Variants in PRKCE observed in about 807,000 individuals in gnomAD.
PRKCE encodes protein kinase C epsilon type.
Under a neutral mutation model 85.4 loss-of-function variants are expected in PRKCE, and 16 were observed. The ratio of observed to expected loss-of-function variants is 0.19; its 90% confidence interval spans 0.13 to 0.28. PRKCE has a LOEUF of 0.28. PRKCE is among the 10% of genes least tolerant of loss of function. PRKCE has a pLI of 1.00. For missense variants in PRKCE, 573 were observed against 975.2 expected (o/e 0.59, Z 5.49); for synonymous variants, 388 against 371.5 (o/e 1.04, Z -0.51).
At position 45,774,203 on chromosome 2, in the gene PRKCE, C is replaced by T. The variant is rs193082370; in HGVS notation, c.349-68797C>T. 5.3e-3 allele frequency among the ~76,000 whole-genome samples: 804 copies of T among 152,202 alleles called. 2 individuals are homozygous for T. The highest frequency in any genetic ancestry group is 0.017 in the African/African-American group (726 of 41,540). On this transcript the variant is annotated intron_variant, in intron 1 of 14. Coordinates refer to ENST00000306156, the MANE Select transcript of PRKCE (RefSeq NM_005400.3). The surrounding 1 kb of genome is among the most constrained non-coding windows in gnomAD (Gnocchi z 4.3). ...GCTGGGACATGTTGGGCTGACCACC[C>T]CTGTGGTCAGGGCCTGCGACTGGTG...
chr2:45,742,999 C>G (rs1682704761), intron 1 of PRKCE, among the ~76,000 whole-genome samples: 3 of 152,058 alleles, frequency 2.0e-5, no homozygotes, highest in Admixed American at 1.3e-4. Context: ...GGATATTAGG[C>G]TAAATGAAAT....
At chr2:45,755,669 G>A (rs551172058) in intron 1 of PRKCE, among the ~76,000 whole-genome samples, 76 of 152,182 alleles carry the variant, frequency 5.0e-4, no homozygotes, top group Non-Finnish European at 1.1e-3. Context: ...TGAGGGCAGC[G>A]ATTCCCCTTG....
At chr2:45,734,660 A>G (rs1159018865) in intron 1 of PRKCE, among the ~76,000 whole-genome samples, 1 of 152,198 alleles carries the variant, frequency 6.6e-6, no homozygotes, top group Non-Finnish European at 1.5e-5. Context: ...GTTGTGTGTT[A>G]AGAGAACCCT....
chr2:46,183,432 T>C (rs147268250), intron 14 of PRKCE, among the ~76,000 whole-genome samples: 2 of 152,360 alleles, frequency 1.3e-5, no homozygotes, highest in South Asian at 4.1e-4. Flanking sequence ...TGTGAATCTT[T>C]CCACAAGATT....
chr2:45,919,325 G>C (rs1349116581), intron 2 of PRKCE, among the ~76,000 whole-genome samples: 2 of 152,222 alleles, frequency 1.3e-5, no homozygotes, highest in African/African-American at 4.8e-5. Context: ...GACTCTGCAG[G>C]CTTGGAGACG....
intron 1 of PRKCE, among the ~76,000 whole-genome samples, chr2:45,687,877 C>G (rs888084306): frequency 6.6e-6 from 1 of 152,190 alleles, no homozygotes; most frequent in East Asian, 1.9e-4. Context: ...ATTAGGTTCT[C>G]GCTTGCTTTT....
At chr2:45,915,692 G>A (rs891275445) in intron 2 of PRKCE, among the ~76,000 whole-genome samples, 9 of 152,300 alleles carry the variant, frequency 5.9e-5, no homozygotes, top group Non-Finnish European at 1.3e-4. Flanking sequence ...AGAGCGTGGT[G>A]CTGGTGGAGC....
intron 7 of PRKCE, among the ~76,000 whole-genome samples, chr2:46,003,404 G>A (rs931457857): frequency 1.8e-4 from 28 of 152,198 alleles, no homozygotes; most frequent in Non-Finnish European, 2.4e-4. Context: ...GCATCTATGC[G>A]AAGGAACAAA....
At chr2:45,801,103 T>A (rs1347760370) in intron 1 of PRKCE, among the ~76,000 whole-genome samples, 5 of 152,012 alleles carry the variant, frequency 3.3e-5, no homozygotes, top group African/African-American at 1.2e-4. Flanking sequence ...TGTTCTCGGG[T>A]GTATAGGCAG....
At chr2:46,164,590 CG>C (rs147439522) in intron 14 of PRKCE, among the ~76,000 whole-genome samples, 43 of 152,252 alleles carry the variant, frequency 2.8e-4, no homozygotes, top group Non-Finnish European at 5.3e-4. Flanking sequence ...TGACCCGGGG[CG>C]GGGGGTGCCC....
At chr2:45,685,096 C>T (rs978775741) in intron 1 of PRKCE, among the ~76,000 whole-genome samples, 2 of 152,150 alleles carry the variant, frequency 1.3e-5, no homozygotes, top group African/African-American at 2.4e-5. Flanking sequence ...TAAAAGGGCA[C>T]TTGAAACCTA....
intron 6 of PRKCE, among the ~76,000 whole-genome samples, chr2:45,986,351 C>T (rs2104608862): frequency 6.6e-6 from 1 of 152,172 alleles, no homozygotes; most frequent in Admixed American, 6.5e-5. Context: ...AGGAAAAAGA[C>T]AGTGGCAAAG....
chr2:45,881,372 C>T (rs13424270), intron 2 of PRKCE, among the ~76,000 whole-genome samples: 57,100 of 151,880 alleles, frequency 0.38, 11,013 homozygotes, highest in East Asian at 0.55. Context: ...GTGGACACAT[C>T]TTAAAACACT....
chr2:45,954,864 A>G (rs1397468695), intron 2 of PRKCE, among the ~76,000 whole-genome samples: 1 of 152,206 alleles, frequency 6.6e-6, no homozygotes, highest in African/African-American at 2.4e-5. Flanking sequence ...GTGAGCTGTT[A>G]AGTGGATGAA....
intron 1 of PRKCE, among the ~76,000 whole-genome samples, chr2:45,783,369 C>T (rs1686347498): frequency 6.6e-6 from 1 of 152,134 alleles, no homozygotes; most frequent in Non-Finnish European, 1.5e-5. Context: ...CACTTGTGCA[C>T]ACATAGACCC....
At chr2:45,778,832 C>A (rs921470897) in intron 1 of PRKCE, among the ~76,000 whole-genome samples, 2 of 152,174 alleles carry the variant, frequency 1.3e-5, no homozygotes, top group African/African-American at 4.8e-5. Context: ...CCTCCTGACC[C>A]CGGGACATTA....
intron 11 of PRKCE, among the ~76,000 whole-genome samples, chr2:46,123,243 T>A (rs1284629399): frequency 1.7e-5 from 2 of 115,196 alleles, no homozygotes; most frequent in East Asian, 7.3e-4. Flanking sequence ...TTTTTTTTTT[T>A]GGTCTACACA....
intron 10 of PRKCE, among the ~76,000 whole-genome samples, chr2:46,016,394 C>T (rs887002601): frequency 1.3e-5 from 2 of 152,044 alleles, no homozygotes; most frequent in Admixed American, 6.6e-5. Flanking sequence ...CTGGTTTCCA[C>T]GATCAAGCAA....
At chr2:46,166,512 G>T (rs1324525476) in intron 14 of PRKCE, among the ~76,000 whole-genome samples, 1 of 152,212 alleles carries the variant, frequency 6.6e-6, no homozygotes, top group African/African-American at 2.4e-5. Flanking sequence ...TTGACCCAGC[G>T]GGTGGCATGG....
Sources: gnomAD v4.1 joint callset for allele counts (sites outside exome capture counted in the v4.1 genomes callset) on GRCh38, gnomAD v4.1.1 for gene constraint, Gnocchi (gnomAD v3.1) non-coding constraint, MANE v1.5 for transcripts, NCBI Gene and HGNC (gene_info 2026-07-23, HGNC 2026-07-21) for gene names.